MAGEC3: variants seen among roughly 807,000 people sequenced by gnomAD.
MAGEC3 encodes the protein melanoma-associated antigen C3.
MAGEC3 carries 34 observed loss-of-function variants against 35.3 expected under a neutral mutation model. The ratio of observed to expected loss-of-function variants is 0.96; its 90% CI spans 0.73 to 1.28. The LOEUF is 1.28. MAGEC3 is among the 50% of genes most tolerant of loss of function. The pLI, the probability that MAGEC3 is intolerant of heterozygous loss-of-function variation, is 0.00. For synonymous variants in MAGEC3, 202 were observed against 185.6 expected, an observed-to-expected ratio of 1.09 and a Z score of -0.72; for missense variants, 561 against 483.6, an observed-to-expected ratio of 1.16 and a Z score of -1.50.
intron 4 of MAGEC3, among the ~76,000 whole-genome samples, chrX:141,894,460 G>C (rs1175661087): frequency 2.7e-5 from 3 of 111,856 alleles, no homozygotes; most frequent in African/African-American, 9.8e-5. Flanking sequence ...CTTTGACATA[G>C]GTCAGGAGAG....
chrX:141,893,439 G>T (rs902542746), intron 4 of MAGEC3, among the ~76,000 whole-genome samples: 4 of 110,740 alleles, frequency 3.6e-5, no homozygotes, highest in Non-Finnish European at 1.9e-5. Context: ...GCACACAAGA[G>T]ATTTAAAATG....
intron 4 of MAGEC3, 49 bp from the exon 5 acceptor site, chrX:141,895,220 G>T: frequency 8.6e-7 from 1 of 1,168,098 alleles, no homozygotes; most frequent in Non-Finnish European, 1.2e-6. Flanking sequence ...GGTGGGGGGT[G>T]GTTTTTCCAT....
chrX:141,885,663 CAAAAAAAAAA>C lies in MAGEC3; in HGVS notation c.909+3883_909+3892del, dbSNP rs35973319. On this transcript the variant is annotated intron_variant, in intron 4 of 7. Transcript: ENST00000298296. ...TGGGTGACAGAGTGAGACTTCGTCT[CAAAAAAAAAA>C]AAAAAAAAAAAAAAAGTTCTAATAG... 3.7e-4 allele frequency among the ~76,000 whole-genome samples: 15 copies of C among 40,991 alleles called. 1 individual carries two copies. The highest frequency in any genetic ancestry group is 4.8e-4 in the Non-Finnish European group (13 of 27,286). The allele number at this position is 40,991 out of a possible 115,157, so 35.6% of individuals were successfully genotyped here.
chrX:141,882,752 G>A (rs1274466543), intron 4 of MAGEC3, among the ~76,000 whole-genome samples: 1 of 112,140 alleles, frequency 8.9e-6, no homozygotes. Context: ...ACAGTGAAAA[G>A]CAAGAGTTAT....
Position 141,881,725 on chromosome X carries a change from C to A in MAGEC3, c.838C>A (p.Leu280Met). 1 of 1,211,446 alleles carries A rather than the reference C, an allele frequency of 8.3e-7. No individual in the cohort carries two copies. Among genetic ancestry groups the A allele is most frequent in the Non-Finnish European group, 1.1e-6 (1 of 895,424 alleles). ...MPQNRLLILI[L>M]SVIFIKGNCA... Reference sequence around the variant, plus strand: ...CCAGAACCGCCTCCTGATTCTTATTCTGAGTGTGATCTTCATAAAGGGCAA... The same window carrying A: ...CCAGAACCGCCTCCTGATTCTTATTATGAGTGTGATCTTCATAAAGGGCAA... Residue 280 changes from leucine to methionine, a missense_variant, in exon 4 of 8, where the codon CTG becomes ATG. Physicochemically the swap from Leu to Met is conservative, Grantham distance 15. Coordinates refer to ENST00000298296, the MANE Select transcript of MAGEC3 (RefSeq NM_138702.1).
chrX:141,884,810 A>G (rs2017990689), intron 4 of MAGEC3, among the ~76,000 whole-genome samples: 1 of 111,986 alleles, frequency 8.9e-6, no homozygotes, highest in South Asian at 3.8e-4. Context: ...GAATCAAGGA[A>G]CATAATGAAG....
intron 1 of MAGEC3, among the ~76,000 whole-genome samples, chrX:141,864,713 A>G (rs147874948): frequency 0.021 from 2,318 of 111,372 alleles, 17 homozygotes; most frequent in Middle Eastern, 0.037. Flanking sequence ...AATCTGTACA[A>G]CAAACCCCCA....
chrX:141,879,073 GCCAGGCGGTTTCCAGGAGT>G (rs2017939210), intron 2 of MAGEC3, 83 bp from the exon 3 acceptor site: 2 of 998,841 alleles, frequency 2.0e-6, no homozygotes, highest in African/African-American at 3.9e-5. Flanking sequence ...AGGCAGGAAG[GCCAGGCGGTTTCCAGGAGT>G]CCAGGCACAG....
At chrX:141,850,926 C>G (rs1603054376) in intron 1 of MAGEC3, among the ~76,000 whole-genome samples, 1 of 110,783 alleles carries the variant, frequency 9.0e-6, no homozygotes, top group African/African-American at 3.3e-5. Context: ...ATAACTATCA[C>G]AAAAGATTGA....
intron 1 of MAGEC3, among the ~76,000 whole-genome samples, chrX:141,859,779 A>G (rs912206652): frequency 4.5e-5 from 5 of 111,510 alleles, no homozygotes; most frequent in African/African-American, 1.6e-4. Flanking sequence ...GGCACTGCAG[A>G]CATTTCCAAC....
rs747860634 is a variant in MAGEC3 at position 141,871,933 on chromosome X, G to A, written c.258+6328G>A. Among the ~76,000 whole-genome samples the A allele has an allele frequency of 1.2e-3, 131 of 109,087 alleles. 1 individual carries two copies. Among genetic ancestry groups the A allele is most frequent in the Non-Finnish European group, 2.2e-3 (114 of 52,558 alleles). The allele number at this position is 109,087 out of a possible 115,157, so 94.7% of individuals were successfully genotyped here. ...CTGCTGGGGCAGAGGGTTCACACGG[G>A]CAATGAGCGGGTGCAGGGGGTTGAG... On this transcript the variant is annotated intron_variant, in intron 2 of 7. Coordinates refer to ENST00000298296, the MANE Select transcript of MAGEC3 (RefSeq NM_138702.1).
At chrX:141,885,976 G>C (rs187623635) in intron 4 of MAGEC3, among the ~76,000 whole-genome samples, 173 of 111,527 alleles carry the variant, frequency 1.6e-3, no homozygotes, top group African/African-American at 5.5e-3. Context: ...CTGTATGCCA[G>C]ATCTAACAGT....
chrX:141,858,392 G>A (rs1033004297), intron 1 of MAGEC3, among the ~76,000 whole-genome samples: 1 of 110,802 alleles, frequency 9.0e-6, no homozygotes, highest in East Asian at 2.9e-4. Flanking sequence ...AGGTCATGGG[G>A]AAGCGCATTT....
At chrX:141,839,594 A>G (rs1180085513) in intron 1 of MAGEC3, 2 of 752,614 alleles carry the variant, frequency 2.7e-6, no homozygotes, top group Non-Finnish European at 3.1e-6. Context: ...CTGCAATCCC[A>G]AGCTTGCTCA....
chrX:141,883,829 G>T (rs972608075), intron 4 of MAGEC3, among the ~76,000 whole-genome samples: 6 of 112,974 alleles, frequency 5.3e-5, no homozygotes, highest in African/African-American at 1.9e-4. Context: ...CTGCTTAGAA[G>T]GTGACAAGTG....
At chrX:141,871,952 G>A (rs1260782517) in intron 2 of MAGEC3, among the ~76,000 whole-genome samples, 1 of 109,589 alleles carries the variant, frequency 9.1e-6, no homozygotes, top group Non-Finnish European at 1.9e-5. Context: ...GGGTGCAGGG[G>A]GTTGAGAATA....
chrX:141,897,153 G>C lies in MAGEC3; in HGVS notation c.1395G>C (p.Gln465His). The change falls in exon 7 of 8, where the codon CAG (glutamine) becomes CAC (histidine). Residue 465 changes from glutamine (Q) to histidine (H), a missense_variant. Gln to His is a conservative substitution (Grantham distance 24). Transcript: ENST00000298296. ...ALDEKVAELVQFLLLKYQTKE... is the reference protein window; with the variant it reads ...ALDEKVAELVHFLLLKYQTKE... The stretch of plus-strand genomic sequence containing the variant: ...ATGAAAAGGTGGCTGAGTTGGTGCA[G>C]TTTCTTCTCCTCAAATATCAAACAA... 1.7e-6 allele frequency: 2 copies of C among 1,211,892 alleles called. No homozygotes were observed. The highest frequency in any genetic ancestry group is 2.2e-6 in the Non-Finnish European group (2 of 895,603).
chrX:141,890,056 T>A (rs1467758321), intron 4 of MAGEC3, among the ~76,000 whole-genome samples: 2 of 112,164 alleles, frequency 1.8e-5, no homozygotes, highest in Non-Finnish European at 3.8e-5. Context: ...GTGTTAACTT[T>A]ATGTAATAGC....
intron 1 of MAGEC3, among the ~76,000 whole-genome samples, chrX:141,863,926 A>G (rs1050290653): frequency 1.8e-5 from 2 of 111,745 alleles, no homozygotes; most frequent in African/African-American, 3.3e-5. Context: ...ATTTATAGAC[A>G]TTCCAAAAAA....
Sources: allele counts gnomAD v4.1 joint callset (sites outside exome capture counted in the v4.1 genomes callset), GRCh38; gene constraint gnomAD v4.1.1; transcripts MANE v1.5; gene names NCBI Gene and HGNC (gene_info 2026-07-23, HGNC 2026-07-21).